Variants in CACNA1H observed in about 807,000 individuals in gnomAD.
The protein encoded by CACNA1H is calcium voltage-gated channel subunit alpha1 H.
CACNA1H carries 149 observed loss-of-function variants against 192.5 expected under a neutral mutation model. The ratio of observed to expected loss-of-function variants is 0.77; its 90% CI spans 0.68 to 0.89. The LOEUF (loss-of-function observed/expected upper bound fraction) is 0.89, where lower values mean the gene tolerates loss of function less well. CACNA1H is among the 40% of genes least tolerant of loss of function. The pLI is 0.00. For synonymous variants in CACNA1H, 2,202 were observed against 1,475.2 expected (o/e 1.49, Z -11.29); for missense variants, 4,257 against 3,423.5 (o/e 1.24, Z -6.08).
chr16:1,212,059 G>A lies in CACNA1H; in HGVS notation c.4680G>A (p.Lys1560=), dbSNP rs745318707. 5.6e-6 allele frequency: 9 copies of A among 1,613,174 alleles called. No homozygotes were observed. Among genetic ancestry groups the A allele is most frequent in the Middle Eastern group, 1.7e-4 (1 of 5,888 alleles). The part of the protein sequence containing the change: ...FVGVVVENFH[K]CRQHQEAEEA... ...GCGTCGTGGTCGAGAACTTCCACAAGTGCCGGCAGCACCAGGAGGCGGAGG... is the reference window on the plus strand; with the variant it reads ...GCGTCGTGGTCGAGAACTTCCACAAATGCCGGCAGCACCAGGAGGCGGAGG... Residue 1560 remains lysine, a synonymous_variant, in exon 25 of 35, where the codon AAG becomes AAA. Coordinates refer to ENST00000348261, the MANE Select transcript of CACNA1H (RefSeq NM_021098.3).
At position 1,202,387 on chromosome 16, in the gene CACNA1H, A is replaced by G; in HGVS notation, c.1937A>G (p.His646Arg). Residue 646 changes from histidine (H) to arginine (R), a missense_variant, in exon 9 of 35, where the codon CAC (histidine) becomes CGC (arginine). His to Arg is a conservative substitution (Grantham distance 29). Coordinates refer to ENST00000348261, the MANE Select transcript of CACNA1H (RefSeq NM_021098.3). Reference sequence around the variant, plus strand: ...GGTGGACCGCCAGGCACCGGGGGGCACGGCCCGTTGAGCTTGAACAGCCCT... The same window carrying G: ...GGTGGACCGCCAGGCACCGGGGGGCGCGGCCCGTTGAGCTTGAACAGCCCT... ...WAGGPPGTGG[H>R]GPLSLNSPDP... is the part of the protein sequence containing the mutation. 1 of 1,548,554 alleles carries G rather than the reference A, an allele frequency of 6.5e-7. No individual in the cohort carries two copies. Among genetic ancestry groups the G allele is most frequent in the South Asian group, 1.2e-5 (1 of 83,384 alleles).
In CACNA1H at chr16:1,207,873, G is replaced by C; in HGVS notation, c.3154+13G>C. 1 of 1,575,738 alleles carries C rather than the reference G, an allele frequency of 6.3e-7. No individual in the cohort carries two copies. Among genetic ancestry groups the C allele is most frequent in the Non-Finnish European group, 8.6e-7 (1 of 1,160,178 alleles). ...CTCCAGACCACAGGTGCGTGTGGTC[G>C]GTGGGTGGTCCGGGTTCTGGCGGGT... On this transcript the variant is annotated intron_variant, in intron 15 of 34. Transcript: ENST00000348261.
intron 9 of CACNA1H, among the ~76,000 whole-genome samples, chr16:1,203,326 A>G (rs988687226): frequency 2.6e-5 from 4 of 152,194 alleles, no homozygotes; most frequent in East Asian, 1.9e-4. Flanking sequence ...GTTTGCTCGC[A>G]TCGAGTCAAA....
chr16:1,181,849 A>G (rs1322063908), intron 2 of CACNA1H, among the ~76,000 whole-genome samples: 1 of 152,074 alleles, frequency 6.6e-6, no homozygotes, highest in Non-Finnish European at 1.5e-5. Context: ...AGCTACACAC[A>G]CATCACACAC....
intron 2 of CACNA1H, among the ~76,000 whole-genome samples, chr16:1,192,610 AGGGTCAGGCAAGTGGCTGG>A (rs1966720937): frequency 6.6e-6 from 1 of 152,238 alleles, no homozygotes; most frequent in African/African-American, 2.4e-5. Context: ...AGGAACTGCC[AGGGTCAGGCAAGTGGCTGG>A]GGGCCAGCTG....
rs1250499266 is a variant in CACNA1H, at chr16:1,219,914, C to T, written c.6049-67C>T. 13 of 1,204,586 alleles carry T rather than the reference C, an allele frequency of 1.1e-5. 1 individual carries two copies. In the South Asian group the frequency reaches 1.1e-4, roughly 10 times the overall value. 74.6% of individuals were successfully genotyped at this position (1,204,586 alleles called of 1,614,324 possible). On this transcript the variant is annotated intron_variant, in intron 34 of 34. Coordinates refer to ENST00000348261, the MANE Select transcript of CACNA1H (RefSeq NM_021098.3). ...CAGTACCTGGATGGTGAGGGGTCTC[C>T]GAGCCCTGGCCACTGACAGGGCTCT...
intron 2 of CACNA1H, among the ~76,000 whole-genome samples, chr16:1,160,524 A>G (rs1342253245): frequency 1.3e-5 from 2 of 152,174 alleles, no homozygotes; most frequent in Admixed American, 6.5e-5. Context: ...CACCGTCCCC[A>G]GAGCACTGTG....
rs1969508622 is a variant in CACNA1H, at chr16:1,212,032, G to A, written c.4653G>A (p.Val1551=). ...GCTTCTTCGTGCTCAACATGTTCGT[G>A]GGCGTCGTGGTCGAGAACTTCCACA... is the stretch of plus-strand genomic sequence containing the variant. The part of the protein sequence containing the change: ...IVSFFVLNMF[V]GVVVENFHKC... The change falls in exon 25 of 35, where the codon GTG becomes GTA. Residue 1551 remains valine, a synonymous_variant. Transcript: ENST00000348261. 1.2e-6 allele frequency: 2 copies of A among 1,613,440 alleles called. No individual in the cohort carries two copies. Among genetic ancestry groups the A allele is most frequent in the Non-Finnish European group, 1.7e-6 (2 of 1,179,698 alleles).
chr16:1,191,842 G>T (rs1037005108), intron 2 of CACNA1H, among the ~76,000 whole-genome samples: 1 of 143,018 alleles, frequency 7.0e-6, no homozygotes, highest in Non-Finnish European at 1.5e-5. Flanking sequence ...TGGCCTGGTT[G>T]TGTGGCCTCA....
chr16:1,210,513 C>A lies in CACNA1H; in HGVS notation c.3969+20C>A. The A allele has an allele frequency of 1.2e-6, 2 of 1,611,114 alleles. No homozygotes were observed. The highest frequency in any genetic ancestry group is 1.7e-6 in the Non-Finnish European group (2 of 1,179,534). On this transcript the variant is annotated intron_variant, in intron 19 of 34. Coordinates refer to ENST00000348261, the MANE Select transcript of CACNA1H (RefSeq NM_021098.3). ...AGCACCGTGAGTCAGCCAACCCCAT[C>A]GTCCCGGGCCACCACGACCCCCAGG...
At chr16:1,203,045 A>G (rs1333298903) in intron 9 of CACNA1H, among the ~76,000 whole-genome samples, 1 of 152,134 alleles carries the variant, frequency 6.6e-6, no homozygotes, top group African/African-American at 2.4e-5. Context: ...CTGGTTCTGT[A>G]CACAGATGTA....
In CACNA1H at chr16:1,176,400, T is replaced by C. The variant is rs574447880; in HGVS notation, c.300-18572T>C. ...GTCTGGGAGGGCTGTCCCCGCAGAG[T>C]GGGGTCGGCCGCTCCTACTCTCGGC... On this transcript the variant is annotated intron_variant, in intron 2 of 34. Transcript: ENST00000348261. 2.4e-4 allele frequency among the ~76,000 whole-genome samples: 37 copies of C among 152,002 alleles called. No individual in the cohort carries two copies. The Middle Eastern group carries it at 0.01, about 42-fold the overall frequency.
chr16:1,219,139 A>C lies in CACNA1H; in HGVS notation c.6048+9A>C. ...GGCTGCTCTGCAGACAGGTAGGAGA[A>C]GCCGTTGGCCTGCAGCAGAGGCTGG... On this transcript the variant is annotated intron_variant, in intron 34 of 34. Coordinates refer to ENST00000348261, the MANE Select transcript of CACNA1H (RefSeq NM_021098.3). The C allele has an allele frequency of 6.6e-7, 1 of 1,523,878 alleles. No individual in the cohort carries two copies. The allele number at this position is 1,523,878 out of a possible 1,614,324, so 94.4% of individuals were successfully genotyped here. A position where few individuals can be genotyped will look rare whatever the true frequency, so the allele number is the denominator to read the frequency against.
intron 2 of CACNA1H, among the ~76,000 whole-genome samples, chr16:1,165,440 G>C (rs557550109): frequency 1.3e-5 from 2 of 152,298 alleles, no homozygotes; most frequent in East Asian, 3.9e-4. Flanking sequence ...CAAATAAGGA[G>C]GATGAGGCCT....
intron 2 of CACNA1H, among the ~76,000 whole-genome samples, chr16:1,170,522 T>G (rs1017020847): frequency 1.3e-5 from 2 of 152,200 alleles, no homozygotes; most frequent in African/African-American, 4.8e-5. Flanking sequence ...GACACCGGCC[T>G]GCGGACCCCC....
chr16:1,155,147 C>T (rs937715764), intron 2 of CACNA1H, among the ~76,000 whole-genome samples: 2 of 152,354 alleles, frequency 1.3e-5, no homozygotes, highest in Admixed American at 6.5e-5. Context: ...GTCATAAAGC[C>T]CGTGTTTCTC....
chr16:1,205,063 G>A (rs1968514329), intron 10 of CACNA1H, 51 bp from the exon 11 acceptor site: 1 of 1,541,922 alleles, frequency 6.5e-7, no homozygotes, highest in South Asian at 1.2e-5. Context: ...GCCGGTGAGG[G>A]GTGGGAGCCG....
At chr16:1,153,580 CGGGGGCGGGG>C in intron 1 of CACNA1H, 110 bp downstream of exon 1, 1 of 280,246 alleles carries the variant, frequency 3.6e-6, no homozygotes, top group Non-Finnish European at 4.9e-6. Context: ...AGGGGGCGGG[CGGGGGCGGGG>C]GGCGCGTTTG....
chr16:1,199,833 C>T lies in CACNA1H; in HGVS notation c.804-423C>T, dbSNP rs990177551. ...CTCCTTTCCCTCACCCCAGGCTTCC[C>T]TCCCCTCGTCCCTTGCCCTTTGCCC... On this transcript the variant is annotated intron_variant, in intron 6 of 34. Coordinates refer to ENST00000348261, the MANE Select transcript of CACNA1H (RefSeq NM_021098.3). Among the ~76,000 whole-genome samples, 11 of 152,086 alleles carry T rather than the reference C, an allele frequency of 7.2e-5. No individual in the cohort carries two copies. In the South Asian group the frequency reaches 2.1e-3, roughly 29 times the overall value.
Sources: allele counts gnomAD v4.1 joint callset (sites outside exome capture counted in the v4.1 genomes callset), GRCh38; gene constraint gnomAD v4.1.1; transcripts MANE v1.5; gene names NCBI Gene and HGNC (gene_info 2026-07-23, HGNC 2026-07-21).